The following RIMS1 variants were observed in gnomAD, a reference collection of about 807,000 sequenced individuals.
RIMS1 encodes regulating synaptic membrane exocytosis protein 1.
RIMS1 carries 83 observed loss-of-function variants against 214.1 expected under a neutral mutation model. The ratio of observed to expected loss-of-function variants is 0.39; its 90% CI spans 0.32 to 0.47. RIMS1 has a LOEUF of 0.47. RIMS1 is among the 20% of genes least tolerant of loss of function. The pLI, the probability that RIMS1 is intolerant of heterozygous loss-of-function variation, is 0.99. For missense variants in RIMS1, 2,050 were observed against 2,161.8 expected, an observed-to-expected ratio of 0.95 and a Z score of 1.03; for synonymous variants, 793 against 786.8, an observed-to-expected ratio of 1.01 and a Z score of -0.13.
chr6:72,289,117 T>C (rs2092905951), intron 24 of RIMS1, among the ~76,000 whole-genome samples: 1 of 152,216 alleles, frequency 6.6e-6, no homozygotes, highest in Non-Finnish European at 1.5e-5. Flanking sequence ...TTTGAGTTTT[T>C]CTTTTAGTGC....
intron 4 of RIMS1, among the ~76,000 whole-genome samples, chr6:72,107,332 G>T (rs1243134737): frequency 6.6e-6 from 1 of 152,180 alleles, no homozygotes; most frequent in Non-Finnish European, 1.5e-5. Flanking sequence ...AGGCTGCGGG[G>T]AGTGGATCAC....
chr6:72,094,295 CAT>C (rs2030434214), intron 2 of RIMS1, among the ~76,000 whole-genome samples: 1 of 151,960 alleles, frequency 6.6e-6, no homozygotes, highest in Non-Finnish European at 1.5e-5. Flanking sequence ...GGTAATAAAA[CAT>C]AGTAAAAATA....
chr6:72,145,471 G>T (rs1027314244), intron 4 of RIMS1, among the ~76,000 whole-genome samples: 5 of 152,086 alleles, frequency 3.3e-5, no homozygotes, highest in African/African-American at 1.2e-4. Context: ...AATTAGCTGG[G>T]CCTGGTGGCA....
At chr6:72,007,614 C>A (rs1808325326) in intron 2 of RIMS1, among the ~76,000 whole-genome samples, 1 of 152,106 alleles carries the variant, frequency 6.6e-6, no homozygotes, top group South Asian at 2.1e-4. Flanking sequence ...ATAACCAATG[C>A]AAAGAAGTCC....
At chr6:72,381,838 A>G (rs562397497) in intron 29 of RIMS1, among the ~76,000 whole-genome samples, 3 of 152,338 alleles carry the variant, frequency 2.0e-5, no homozygotes, top group South Asian at 4.1e-4. Flanking sequence ...ATAAAGGTCA[A>G]TGTTCGAACA....
intron 1 of RIMS1, among the ~76,000 whole-genome samples, chr6:71,960,697 T>TA (rs1340071015): frequency 2.0e-5 from 3 of 152,058 alleles, no homozygotes; most frequent in Admixed American, 6.6e-5. Flanking sequence ...TTTCTTTTTT[T>TA]AAAAAAACTC....
chr6:72,001,326 A>T (rs1805146171), intron 2 of RIMS1, among the ~76,000 whole-genome samples: 1 of 152,166 alleles, frequency 6.6e-6, no homozygotes, highest in Non-Finnish European at 1.5e-5. Context: ...CGAATTTTCC[A>T]TTCTTCTATA....
At chr6:72,239,682 C>T (rs1225724290) in intron 9 of RIMS1, among the ~76,000 whole-genome samples, 1 of 152,162 alleles carries the variant, frequency 6.6e-6, no homozygotes, top group African/African-American at 2.4e-5. Context: ...ACTGCTACTT[C>T]ATTTAACCTT....
intron 8 of RIMS1, among the ~76,000 whole-genome samples, chr6:72,237,537 G>A (rs141814231): frequency 4.7e-4 from 71 of 152,004 alleles, no homozygotes; most frequent in Middle Eastern, 3.4e-3. Flanking sequence ...TTAGCTGGGC[G>A]TGGTGGTGTA....
chr6:71,965,905 A>G (rs1794318634), intron 1 of RIMS1, among the ~76,000 whole-genome samples: 1 of 152,202 alleles, frequency 6.6e-6, no homozygotes, highest in African/African-American at 2.4e-5. Context: ...ACCCCTTAAA[A>G]GCTGCAACAT....
At chr6:72,004,925 T>A (rs1187727381) in intron 2 of RIMS1, among the ~76,000 whole-genome samples, 1 of 152,098 alleles carries the variant, frequency 6.6e-6, no homozygotes, top group East Asian at 1.9e-4. Context: ...TTTTGGTGTT[T>A]TAGACATGAA....
At chr6:71,946,837 CAG>C (rs1787961260) in intron 1 of RIMS1, among the ~76,000 whole-genome samples, 1 of 151,382 alleles carries the variant, frequency 6.6e-6, no homozygotes, top group Non-Finnish European at 1.5e-5. Flanking sequence ...GAACAATAAA[CAG>C]AATGAGGAGA....
chr6:72,148,692 T>G, intron 4 of RIMS1: 1 of 431,058 alleles, frequency 2.3e-6, no homozygotes, highest in Non-Finnish European at 4.5e-6. Flanking sequence ...GTCACTAACC[T>G]TTGGGTTTGC....
intron 18 of RIMS1, among the ~76,000 whole-genome samples, chr6:72,259,385 C>T (rs553586162): frequency 6.6e-6 from 1 of 151,912 alleles, no homozygotes; most frequent in East Asian, 1.9e-4. Context: ...TAGATATTGA[C>T]CTAAATTATA....
At chr6:72,055,819 G>A (rs758624149) in intron 2 of RIMS1, among the ~76,000 whole-genome samples, 4 of 152,178 alleles carry the variant, frequency 2.6e-5, no homozygotes, top group Non-Finnish European at 5.9e-5. Context: ...TGGTGGAAAT[G>A]TAAATTAGTT....
intron 2 of RIMS1, among the ~76,000 whole-genome samples, chr6:71,980,529 A>C (rs1032811073): frequency 2.0e-5 from 3 of 152,112 alleles, no homozygotes; most frequent in African/African-American, 7.2e-5. Flanking sequence ...AAGGCAGTTG[A>C]GGCCAGTTTA....
chr6:72,296,000 A>G, intron 26 of RIMS1: 1 of 326,458 alleles, frequency 3.1e-6, no homozygotes, highest in Non-Finnish European at 4.5e-6. Context: ...ACCATTTAAT[A>G]TTGTTACTTT....
chr6:72,274,525 T>G (rs1414095526), intron 23 of RIMS1, 93 bp downstream of exon 23: 1 of 952,974 alleles, frequency 1.0e-6, no homozygotes, highest in Non-Finnish European at 1.7e-6. Flanking sequence ...GAATATGATG[T>G]ACTTTATTCC....
chr6:72,383,136 T>C (rs1000239886), intron 29 of RIMS1, among the ~76,000 whole-genome samples: 1 of 152,188 alleles, frequency 6.6e-6, no homozygotes, highest in Non-Finnish European at 1.5e-5. Context: ...ACTCACTGCT[T>C]GAATTATTCT....
Sources: gnomAD v4.1 joint callset for allele counts (sites outside exome capture counted in the v4.1 genomes callset) on GRCh38, gnomAD v4.1.1 for gene constraint, MANE v1.5 for transcripts, NCBI Gene and HGNC (gene_info 2026-07-23, HGNC 2026-07-21) for gene names.